ACTMAP: variants seen among roughly 807,000 people sequenced by gnomAD.
The protein encoded by ACTMAP is actin maturation protease.
chr19:40,748,001 G>A, the ACTMAP span, among the ~76,000 whole-genome samples: 1 of 152,256 alleles, frequency 6.6e-6, no homozygotes, highest in East Asian at 1.9e-4. Context: ...TTTCTCACCA[G>A]GAAAATGAGA....
chr19:40,746,223 T>G, the ACTMAP span, among the ~76,000 whole-genome samples: 8 of 152,120 alleles, frequency 5.3e-5, no homozygotes, highest in African/African-American at 1.7e-4. Flanking sequence ...TGTTTGTTTG[T>G]TTGTTTGTTT....
chr19:40,744,642 G>A, the ACTMAP span: 83 of 1,613,426 alleles, frequency 5.1e-5, no homozygotes, highest in East Asian at 2.2e-4. Flanking sequence ...ACTGGGGGGC[G>A]ACAGGAGAGT....
At chr19:40,745,531 C>T in the ACTMAP span, among the ~76,000 whole-genome samples, 1 of 152,194 alleles carries the variant, frequency 6.6e-6, no homozygotes, top group Non-Finnish European at 1.5e-5. Flanking sequence ...CTTTTTCTTG[C>T]TCTGTTGCCC....
At chr19:40,747,232 A>G in the ACTMAP span, among the ~76,000 whole-genome samples, 39 of 151,954 alleles carry the variant, frequency 2.6e-4, no homozygotes, top group African/African-American at 7.7e-4. Context: ...ATGATACCAC[A>G]TAAGTATGAT....
chr19:40,744,138 A>T, the ACTMAP span: 1 of 1,611,816 alleles, frequency 6.2e-7, no homozygotes. Context: ...CCAGGCCACC[A>T]GAGAGCAGCT....
chr19:40,745,329 C>T, the ACTMAP span: 15 of 865,868 alleles, frequency 1.7e-5, no homozygotes, highest in East Asian at 2.7e-5. Context: ...AGGCTGAAGG[C>T]GGCTCCTGGT....
chr19:40,745,798 G>C, the ACTMAP span, among the ~76,000 whole-genome samples: 3 of 152,132 alleles, frequency 2.0e-5, no homozygotes, highest in Non-Finnish European at 4.4e-5. Flanking sequence ...TCAGCCTCCC[G>C]AGTAGCTGGG....
the ACTMAP span, chr19:40,750,419 G>A: frequency 6.6e-6 from 1 of 151,922 alleles, no homozygotes; most frequent in South Asian, 2.1e-4. Context: ...AGGCCGGTGG[G>A]CGCCGCGATA....
chr19:40,745,050 C>A, the ACTMAP span: 2 of 1,490,820 alleles, frequency 1.3e-6, no homozygotes, highest in Non-Finnish European at 1.8e-6. Flanking sequence ...CTCCTCTTCT[C>A]CAGATCAGTC....
At chr19:40,747,735 G>A in the ACTMAP span, among the ~76,000 whole-genome samples, 13 of 151,984 alleles carry the variant, frequency 8.6e-5, no homozygotes, top group African/African-American at 2.9e-4. Flanking sequence ...GCATGGTGGC[G>A]CACATCTGTG....
chr19:40,744,083 G>A, the ACTMAP span: 5 of 1,613,954 alleles, frequency 3.1e-6, no homozygotes, highest in South Asian at 4.4e-5. Flanking sequence ...AGCAGGGGAT[G>A]TCCAGTGACC....
At chr19:40,745,120 G>A in the ACTMAP span, 6 of 1,551,898 alleles carry the variant, frequency 3.9e-6, no homozygotes, top group Non-Finnish European at 5.2e-6. Context: ...TCCCGCATCA[G>A]GGCACATACT....
the ACTMAP span, among the ~76,000 whole-genome samples, chr19:40,747,565 T>C: frequency 2.0e-5 from 3 of 150,134 alleles, no homozygotes; most frequent in South Asian, 4.2e-4. Flanking sequence ...TAAATAAGCA[T>C]GGAGCCAGGC....
chr19:40,745,326 A>C, the ACTMAP span: 1 of 890,202 alleles, frequency 1.1e-6, no homozygotes, highest in Non-Finnish European at 1.8e-6. Context: ...CTAAGGCTGA[A>C]GGCGGCTCCT....
the ACTMAP span, chr19:40,742,128 G>A: frequency 3.5e-6 from 2 of 577,738 alleles, no homozygotes; most frequent in African/African-American, 1.8e-5. Flanking sequence ...CCTGTCCTGT[G>A]AGAAGCAGAG....
the ACTMAP span, chr19:40,744,783 TCCCCTCTC>T: frequency 6.9e-7 from 1 of 1,444,794 alleles, no homozygotes; most frequent in Non-Finnish European, 9.2e-7. Context: ...GGAGTCCCCC[TCCCCTCTC>T]CCAGGCCAGC....
the ACTMAP span, among the ~76,000 whole-genome samples, chr19:40,747,254 A>T: frequency 6.6e-6 from 1 of 151,642 alleles, no homozygotes; most frequent in Non-Finnish European, 1.5e-5. Flanking sequence ...AAAAGCATGG[A>T]GGCCGGGTGC....
the ACTMAP span, chr19:40,743,837 G>A: frequency 1.3e-6 from 2 of 1,572,874 alleles, no homozygotes; most frequent in Non-Finnish European, 8.7e-7. Context: ...GGGTGAGAAT[G>A]TCAGGAGGAT....
chr19:40,745,918 C>T, the ACTMAP span, among the ~76,000 whole-genome samples: 12 of 152,214 alleles, frequency 7.9e-5, no homozygotes, highest in Non-Finnish European at 1.5e-4. Flanking sequence ...GTTATCCACC[C>T]ACCTTGGCCT....
Sources: allele counts gnomAD v4.1 joint callset (sites outside exome capture counted in the v4.1 genomes callset), GRCh38; gene constraint gnomAD v4.1.1; transcripts MANE v1.5; gene names NCBI Gene and HGNC (gene_info 2026-07-23, HGNC 2026-07-21).